Variants in LRP1B observed in about 807,000 individuals in gnomAD.
LRP1B encodes low-density lipoprotein receptor-related protein 1B.
LRP1B carries 217 observed loss-of-function variants against 556.6 expected under a neutral mutation model. The observed-to-expected ratio is 0.39, with a 90% CI of 0.35 to 0.44. LRP1B has a LOEUF of 0.44. Among genes scored for constraint, LRP1B ranks in the 20% least tolerant of loss-of-function variants. LRP1B has a pLI of 1.00. For missense variants in LRP1B, 5,053 were observed against 5,620.8 expected (o/e 0.90, Z 3.23); for synonymous variants, 2,047 against 1,865.8 (o/e 1.10, Z -2.50).
intron 25 of LRP1B, 34 bp downstream of exon 25, chr2:140,883,783 C>T (rs2105186408): frequency 1.3e-6 from 2 of 1,557,362 alleles, no homozygotes; most frequent in Non-Finnish European, 8.7e-7. Flanking sequence ...ATTTTTTATG[C>T]CAAAATCAAT....
At chr2:141,244,984 G>A (rs1020503357) in intron 5 of LRP1B, among the ~76,000 whole-genome samples, 1 of 152,064 alleles carries the variant, frequency 6.6e-6, no homozygotes, top group African/African-American at 2.4e-5. Flanking sequence ...ACATTATCAT[G>A]TTCCATCTTT....
intron 3 of LRP1B, among the ~76,000 whole-genome samples, chr2:141,477,480 G>T (rs1218689236): frequency 2.0e-5 from 3 of 152,138 alleles, no homozygotes; most frequent in Non-Finnish European, 4.4e-5. Context: ...TAGGAGGAAG[G>T]CTGAGGGTGA....
intron 16 of LRP1B, among the ~76,000 whole-genome samples, chr2:140,990,529 G>A (rs1697060675): frequency 6.6e-6 from 1 of 150,902 alleles, no homozygotes. Context: ...GTGACCTAGA[G>A]TTGATGTTAA....
At chr2:141,671,109 G>A (rs545629044) in intron 2 of LRP1B, among the ~76,000 whole-genome samples, 3 of 152,198 alleles carry the variant, frequency 2.0e-5, no homozygotes, top group Admixed American at 1.3e-4. Flanking sequence ...AGAAATATTT[G>A]GGATTTAAAG....
intron 20 of LRP1B, among the ~76,000 whole-genome samples, chr2:140,949,938 C>CAAAAAAAAA (rs67201185): frequency 1.1e-3 from 15 of 14,280 alleles, no homozygotes; most frequent in Non-Finnish European, 1.7e-3. Flanking sequence ...GACTCCGTCT[C>CAAAAAAAAA]AAAAAAAAAA....
chr2:140,435,267 ACT>A (rs10583611), intron 66 of LRP1B, among the ~76,000 whole-genome samples: 47,237 of 151,852 alleles, frequency 0.31, 7,830 homozygotes, highest in Non-Finnish European at 0.34. Flanking sequence ...AAAGTATTTA[ACT>A]CTGATTTTTT....
intron 29 of LRP1B, among the ~76,000 whole-genome samples, chr2:140,845,059 C>T (rs1168390633): frequency 6.6e-6 from 1 of 152,080 alleles, no homozygotes; most frequent in South Asian, 2.1e-4. Context: ...AAAAAAGATA[C>T]CTGCTTATAA....
chr2:140,711,312 T>C (rs1053323366), intron 37 of LRP1B, among the ~76,000 whole-genome samples: 11 of 151,990 alleles, frequency 7.2e-5, no homozygotes, highest in Non-Finnish European at 1.2e-4. Flanking sequence ...CCCAAGCTCA[T>C]AGTACCTCAT....
intron 1 of LRP1B, among the ~76,000 whole-genome samples, chr2:141,879,968 G>A (rs1382240898): frequency 7.8e-6 from 1 of 127,704 alleles, no homozygotes; most frequent in East Asian, 2.5e-4. Context: ...TTTCTTTTAA[G>A]AGACTACATT....
At chr2:142,015,678 G>GA (rs1385654790) in intron 1 of LRP1B, among the ~76,000 whole-genome samples, 2 of 151,998 alleles carry the variant, frequency 1.3e-5, no homozygotes, top group Non-Finnish European at 2.9e-5. Context: ...AAATTTACAA[G>GA]AAAAAATCAA....
intron 1 of LRP1B, among the ~76,000 whole-genome samples, chr2:141,828,302 C>T (rs1007762169): frequency 6.6e-6 from 1 of 152,004 alleles, no homozygotes; most frequent in Non-Finnish European, 1.5e-5. Flanking sequence ...ATTTCTCTAT[C>T]ATTATTTAAA....
intron 3 of LRP1B, among the ~76,000 whole-genome samples, chr2:141,316,972 G>C (rs779545519): frequency 6.6e-6 from 1 of 152,168 alleles, no homozygotes; most frequent in Non-Finnish European, 1.5e-5. Context: ...ATCTAGAAAG[G>C]TGATGCCACA....
chr2:141,801,196 G>A (rs193167294), intron 2 of LRP1B, among the ~76,000 whole-genome samples: 101 of 152,146 alleles, frequency 6.6e-4, no homozygotes, highest in African/African-American at 1.1e-3. Flanking sequence ...ATGTTTGGAC[G>A]TATGCATCTG....
At chr2:140,334,192 A>G (rs1680958898) in intron 79 of LRP1B, among the ~76,000 whole-genome samples, 1 of 152,016 alleles carries the variant, frequency 6.6e-6, no homozygotes, top group East Asian at 1.9e-4. Flanking sequence ...TCAAAATTTC[A>G]TGCCTGTGAA....
In LRP1B at chr2:141,193,343, A is replaced by C. The variant is rs191264657; in HGVS notation, c.851-4760T>G. On this transcript the variant is annotated intron_variant, in intron 6 of 90. Coordinates refer to ENST00000389484, the MANE Select transcript of LRP1B (RefSeq NM_018557.3). ...ATAGCAAAGACATGGAATCAACCTA[A>C]ATGCTCATCGTGACTGATTGGATAA... Among the ~76,000 whole-genome samples the C allele has an allele frequency of 5.9e-5, 9 of 152,130 alleles. No homozygotes were observed. The East Asian group carries it at 1.7e-3, about 30-fold the overall frequency.
At chr2:140,346,957 T>C (rs1327920565) in intron 77 of LRP1B, among the ~76,000 whole-genome samples, 1 of 151,986 alleles carries the variant, frequency 6.6e-6, no homozygotes, top group Non-Finnish European at 1.5e-5. Context: ...AAAAATGATA[T>C]CTCATATTTA....
intron 35 of LRP1B, among the ~76,000 whole-genome samples, chr2:140,764,446 A>G (rs1689032402): frequency 6.6e-6 from 1 of 152,064 alleles, no homozygotes; most frequent in Admixed American, 6.6e-5. Flanking sequence ...CAGTTTCCTT[A>G]CCTGTATCAT....
chr2:141,288,310 A>G (rs953655039), intron 3 of LRP1B, among the ~76,000 whole-genome samples: 1 of 151,914 alleles, frequency 6.6e-6, no homozygotes, highest in Non-Finnish European at 1.5e-5. Flanking sequence ...TTTTATATTT[A>G]CCCAGATATT....
intron 7 of LRP1B, among the ~76,000 whole-genome samples, chr2:141,062,669 T>G (rs1699368522): frequency 6.6e-6 from 1 of 151,796 alleles, no homozygotes; most frequent in African/African-American, 2.4e-5. Flanking sequence ...CCTTTCAAAT[T>G]GCCTGGTAAT....
Sources: allele counts gnomAD v4.1 joint callset (sites outside exome capture counted in the v4.1 genomes callset), GRCh38; gene constraint gnomAD v4.1.1; transcripts MANE v1.5; gene names NCBI Gene and HGNC (gene_info 2026-07-23, HGNC 2026-07-21).